Variants in GCDH observed in about 807,000 individuals in gnomAD.
The protein encoded by GCDH is glutaryl-CoA dehydrogenase, mitochondrial.
A neutral mutation model predicts 52.8 loss-of-function variants in GCDH; 31 were observed. The observed-to-expected ratio is 0.59, with a 90% CI of 0.44 to 0.79. The LOEUF is 0.79. Among genes scored for constraint, GCDH ranks in the 30% least tolerant of loss-of-function variants. The pLI is 0.00. For missense variants in GCDH, 509 were observed against 595.0 expected (o/e 0.86, Z 1.50); for synonymous variants, 242 against 250.0 (o/e 0.97, Z 0.30).
Position 12,892,120 on chromosome 19 carries a change from T to C in GCDH, c.276T>C (p.Phe92=). The C allele has an allele frequency of 6.2e-7, 1 of 1,614,164 alleles. No individual in the cohort carries two copies. Among genetic ancestry groups the C allele is most frequent in the African/African-American group, 1.3e-5 (1 of 75,034 alleles). Reference sequence around the variant, plus strand: ...TGGGCACTGGTCCCTTTGCAGTTTTTCATCGGGAGATCATTTCGGAGATGG... The same window carrying C: ...TGGGCACTGGTCCCTTTGCAGTTTTCCATCGGGAGATCATTTCGGAGATGG... ...RILLANRNEV[F]HREIISEMGE... The change falls in exon 5 of 12, where the codon TTT becomes TTC. Residue 92 remains phenylalanine, a synonymous_variant. Coordinates refer to ENST00000222214, the MANE Select transcript of GCDH (RefSeq NM_000159.4).
chr19:12,893,731 G>GA, intron 6 of GCDH, 78 bp downstream of exon 6: 1 of 1,315,174 alleles, frequency 7.6e-7, no homozygotes, highest in Non-Finnish European at 1.1e-6. Context: ...GCTGTCCCCT[G>GA]AGCCTATTCT....
Position 12,891,216 on chromosome 19 carries a change from G to C in GCDH, c.-35+14G>C. On this transcript the variant is annotated intron_variant, in intron 1 of 11. Transcript: ENST00000222214. ...AGGTACTACCAGGTAAGGAAGGTGC[G>C]GTAGCCCCAGCCGTGGGTGAGAGGA... is the stretch of plus-strand genomic sequence containing the variant. 9.9e-7 allele frequency: 1 copy of C among 1,012,036 alleles called. No individual in the cohort carries two copies. Among genetic ancestry groups the C allele is most frequent in the South Asian group, 1.3e-5 (1 of 76,468 alleles). 62.7% of individuals were successfully genotyped at this position (1,012,036 alleles called of 1,614,324 possible).
In GCDH at chr19:12,893,514, C is replaced by T. The variant is rs751364711; in HGVS notation, c.366C>T (p.Ala122=). The change falls in exon 6 of 12, where the codon GCC becomes GCT. Residue 122 remains alanine, a synonymous_variant. Coordinates refer to ENST00000222214, the MANE Select transcript of GCDH (RefSeq NM_000159.4). ...GCTGTGCTGGGGTTTCGTCTGTGGC[C>T]TATGGGCTCCTGGCCCGAGAGCTGG... is the stretch of plus-strand genomic sequence containing the variant. ...GYGCAGVSSV[A]YGLLARELER... 6.2e-7 allele frequency: 1 copy of T among 1,614,112 alleles called. No homozygotes were observed.
chr19:12,898,450 A>G (rs995259570), intron 11 of GCDH: 1 of 158,182 alleles, frequency 6.3e-6, no homozygotes, highest in African/African-American at 2.4e-5. Flanking sequence ...GCTTCCAGAC[A>G]GAGAGAACAG....
At position 12,899,899 on chromosome 19, in the gene GCDH, C is replaced by G. The variant is rs1568431641; in HGVS notation, c.*358C>G. On this transcript the variant is annotated 3_prime_UTR_variant, in exon 12 of 12. Coordinates refer to ENST00000222214, the MANE Select transcript of GCDH (RefSeq NM_000159.4). Reference sequence around the variant, plus strand: ...ACAGTGCGCCCTCCCTCCCTCCCATCTGGGGGTAGTGCCTTATGCTGGGTG... The same window carrying G: ...ACAGTGCGCCCTCCCTCCCTCCCATGTGGGGGTAGTGCCTTATGCTGGGTG... 1.9e-6 allele frequency: 3 copies of G among 1,565,582 alleles called. No individual in the cohort carries two copies. Among genetic ancestry groups the G allele is most frequent in the South Asian group, 2.2e-5 (2 of 89,340 alleles).
intron 6 of GCDH, 74 bp from the exon 7 acceptor site, chr19:12,895,918 C>T (rs1347732162): frequency 5.7e-6 from 9 of 1,587,412 alleles, no homozygotes; most frequent in Non-Finnish European, 7.7e-6. Context: ...CTGCACCCCG[C>T]CACGAGGATA....
Position 12,891,981 on chromosome 19 carries a change from G to T in GCDH, c.271+7G>T. On this transcript the variant is annotated splice_region_variant and intron_variant, in intron 4 of 11. Transcript: ENST00000222214. ...TTGGCCAATCGCAACGAAGGTGGGC[G>T]GGCTGGTGGGTGCCCTGAGACTGCT... The T allele has an allele frequency of 6.2e-7, 1 of 1,614,224 alleles. No homozygotes were observed. The highest frequency in any genetic ancestry group is 8.5e-7 in the Non-Finnish European group (1 of 1,180,038).
chr19:12,897,216 A>T, intron 9 of GCDH, 87 bp from the exon 10 acceptor site: 1 of 1,552,484 alleles, frequency 6.4e-7, no homozygotes, highest in Admixed American at 1.7e-5. Flanking sequence ...CAGCCTGGGA[A>T]GGCGTCCTGG....
Position 12,896,606 on chromosome 19 carries a change from G to A in GCDH, c.852+185G>A, listed in dbSNP as rs1290932589. ...ATTTGGTGACCGTCTCGCTCATCCC[G>A]GCTCTGCCCGGGACACATGGGCCTG... On this transcript the variant is annotated intron_variant, in intron 8 of 11. Transcript: ENST00000222214. The surrounding 1 kb of genome is among the most constrained non-coding windows in gnomAD (Gnocchi z 5.5). Among the ~76,000 whole-genome samples, 1 of 152,182 alleles carries A rather than the reference G, an allele frequency of 6.6e-6. No individual in the cohort carries two copies. Among genetic ancestry groups the A allele is most frequent in the South Asian group, 2.1e-4 (1 of 4,832 alleles).
Position 12,899,939 on chromosome 19 carries a change from G to C in GCDH, c.*398G>C. On this transcript the variant is annotated 3_prime_UTR_variant, in exon 12 of 12. Transcript: ENST00000222214. ...TATGCTGGGTGTTGGAGCAGAGTGA[G>C]GGAGAGGAAAATAAAGACCTGCACA... is the stretch of plus-strand genomic sequence containing the variant. 6.2e-7 allele frequency: 1 copy of C among 1,611,462 alleles called. No individual in the cohort carries two copies. Among genetic ancestry groups the C allele is most frequent in the Non-Finnish European group, 8.5e-7 (1 of 1,179,304 alleles).
rs1406703936 is a variant in GCDH at position 12,892,243 on chromosome 19, C to T, written c.334+65C>T. On this transcript the variant is annotated intron_variant, in intron 5 of 11. Transcript: ENST00000222214. ...GTATTCTGAAAGCCTCTTCCTCCTTCCCTCCCTCCCTTTCTTCCTTCCTTC... is the reference window on the plus strand; with the variant it reads ...GTATTCTGAAAGCCTCTTCCTCCTTTCCTCCCTCCCTTTCTTCCTTCCTTC... The T allele has an allele frequency of 2.3e-5, 29 of 1,253,564 alleles. No homozygotes were observed. In the East Asian group the frequency reaches 4.4e-4, roughly 19 times the overall value. 77.7% of individuals were successfully genotyped at this position (1,253,564 alleles called of 1,614,324 possible). A position where few individuals can be genotyped will look rare whatever the true frequency, so the allele number is the denominator to read the frequency against.
In GCDH at chr19:12,892,002, C is replaced by T. The variant is rs769693564; in HGVS notation, c.271+28C>T. On this transcript the variant is annotated intron_variant, in intron 4 of 11. Transcript: ENST00000222214. ...GGGCGGGCTGGTGGGTGCCCTGAGA[C>T]TGCTCCTCCGCCTGGAGCCATAGCC... 9.3e-6 allele frequency: 15 copies of T among 1,614,108 alleles called. No homozygotes were observed. The Middle Eastern group carries it at 4.9e-4, about 53-fold the overall frequency.
In GCDH at chr19:12,891,536, G is replaced by T. The variant is rs1433923583; in HGVS notation, c.127+14G>T. On this transcript the variant is annotated intron_variant, in intron 3 of 11. Coordinates refer to ENST00000222214, the MANE Select transcript of GCDH (RefSeq NM_000159.4). The stretch of plus-strand genomic sequence containing the variant: ...AACTGGCTAAGTGTAAGGACCTCTG[G>T]TCGCACCGTGTGTCTGCTGCCCCTG... The T allele has an allele frequency of 6.2e-7, 1 of 1,614,204 alleles. No homozygotes were observed. The highest frequency in any genetic ancestry group is 2.2e-5 in the East Asian group (1 of 44,896).
chr19:12,891,154 T>TGCGTCAGTTGCACTGTA, upstream of GCDH: 1 of 674,246 alleles, frequency 1.5e-6, no homozygotes, highest in Non-Finnish European at 2.7e-6. Context: ...GTCAAAGGCC[T>TGCGTCAGTTGCACTGTA]GCGTCAGTTG....
At chr19:12,892,589 G>A (rs899955186) in intron 5 of GCDH, among the ~76,000 whole-genome samples, 9 of 149,878 alleles carry the variant, frequency 6.0e-5, no homozygotes. Flanking sequence ...ACCACGTTCA[G>A]CCTTCTTTTT....
rs368251933 is a variant in GCDH at position 12,897,847 on chromosome 19, C to A, written c.1227C>A (p.Ala409=). ...TCCGGCACGCCATGAACCTGGAGGCCGTGAACACCTACGAAGGTAGGAGCT... is the reference window on the plus strand; with the variant it reads ...TCCGGCACGCCATGAACCTGGAGGCAGTGAACACCTACGAAGGTAGGAGCT... ...HVIRHAMNLE[A]VNTYEGTHDI... Residue 409 remains alanine (A), a synonymous_variant, in exon 11 of 12, where the codon GCC becomes GCA. Transcript: ENST00000222214. The A allele has an allele frequency of 6.2e-7, 1 of 1,613,680 alleles. No homozygotes were observed. The highest frequency in any genetic ancestry group is 1.7e-5 in the Admixed American group (1 of 59,978).
chr19:12,897,915 G>A (rs746884980), intron 11 of GCDH, 52 bp downstream of exon 11: 5 of 1,497,828 alleles, frequency 3.3e-6, no homozygotes, highest in Middle Eastern at 1.7e-4. Context: ...CTGGGGAGGG[G>A]GTACAGGGAG....
Position 12,896,211 on chromosome 19 carries a change from G to A in GCDH, c.642G>A (p.Thr214=), listed in dbSNP as rs142806397. The change falls in exon 8 of 12, where the codon ACG becomes ACA. Residue 214 remains threonine, a synonymous_variant. Transcript: ENST00000222214. The surrounding 1 kb of genome is among the most constrained non-coding windows in gnomAD (Gnocchi z 5.5). ...CCGACTGTTCCATCCCCAGGATCAC[G>A]AACTCGCCTATGGCCGATCTGTTTG... ...YTLNGTKTWI[T]NSPMADLFVV... The A allele has an allele frequency of 2.8e-4, 454 of 1,614,146 alleles. 2 individuals carry two copies. In the African/African-American group the frequency reaches 5.3e-3, roughly 19 times the overall value.
rs1328059662 is a variant in GCDH at position 12,896,930 on chromosome 19, C to A, written c.873C>A (p.Asn291Lys). 1.2e-6 allele frequency: 2 copies of A among 1,613,196 alleles called. No homozygotes were observed. Among genetic ancestry groups the A allele is most frequent in the East Asian group, 2.2e-5 (1 of 44,902 alleles). The part of the protein sequence containing the change: ...SSLGGPFGCL[N>K]NARYGIAWGV... The stretch of plus-strand genomic sequence containing the variant: ...TACAGGGTCCCTTCGGCTGCCTGAA[C>A]AACGCCCGGTACGGCATCGCGTGGG... Residue 291 changes from asparagine (N) to lysine (K), a missense_variant, in exon 9 of 12, where the codon AAC (asparagine) becomes AAA (lysine). Physicochemically the swap from Asn to Lys is moderately conservative, Grantham distance 94. Transcript: ENST00000222214. The surrounding 1 kb of genome is among the most constrained non-coding windows in gnomAD (Gnocchi z 5.5).
Sources: allele counts gnomAD v4.1 joint callset (sites outside exome capture counted in the v4.1 genomes callset), GRCh38; gene constraint gnomAD v4.1.1; non-coding constraint Gnocchi (gnomAD v3.1); transcripts MANE v1.5; gene names NCBI Gene and HGNC (gene_info 2026-07-23, HGNC 2026-07-21).